ABR: variants seen among roughly 807,000 people sequenced by gnomAD.
ABR encodes ABR activator of RhoGEF and GTPase.
A neutral mutation model predicts 107.2 loss-of-function variants in ABR; 35 were observed. The observed-to-expected ratio is 0.33, with a 90% confidence interval of 0.25 to 0.43. The LOEUF (loss-of-function observed/expected upper bound fraction) is 0.43. ABR is among the 20% of genes least tolerant of loss of function. ABR has a pLI of 1.00. For synonymous variants in ABR, 498 were observed against 462.0 expected (o/e 1.08, Z -1.00); for missense variants, 815 against 1,115.2 (o/e 0.73, Z 3.83).
At chr17:1,217,137 C>T (rs562452417) in intron 1 of ABR, among the ~76,000 whole-genome samples, 4 of 152,226 alleles carry the variant, frequency 2.6e-5, no homozygotes, top group African/African-American at 4.8e-5. Context: ...AACGGAAAGG[C>T]GCAATTATGC....
At chr17:1,130,746 G>T (rs537840207) in intron 1 of ABR, among the ~76,000 whole-genome samples, 1 of 152,308 alleles carries the variant, frequency 6.6e-6, no homozygotes, top group South Asian at 2.1e-4. Flanking sequence ...TAAATCCAAT[G>T]CTGTGTCCCT....
chr17:1,108,163 T>C (rs2038386379), intron 2 of ABR, among the ~76,000 whole-genome samples: 1 of 152,224 alleles, frequency 6.6e-6, no homozygotes, highest in South Asian at 2.1e-4. Context: ...AGCAAAAGGC[T>C]GAGGTGGAAG....
chr17:1,179,014 T>A lies in ABR; in HGVS notation c.61+653A>T, dbSNP rs1227321187. Reference sequence around the variant, plus strand: ...AACTCGAGAAGGTTTGTTTTTTTTTTCTTCTGAGGGTGGTGGTGATGATGA... The same window carrying A: ...AACTCGAGAAGGTTTGTTTTTTTTTACTTCTGAGGGTGGTGGTGATGATGA... On this transcript the variant is annotated intron_variant, in intron 1 of 22. Coordinates refer to ENST00000302538, the MANE Select transcript of ABR (RefSeq NM_021962.5). The surrounding 1 kb of genome is among the most constrained non-coding windows in gnomAD (Gnocchi z 4.9). Among the ~76,000 whole-genome samples, 1 of 151,276 alleles carries A rather than the reference T, an allele frequency of 6.6e-6. No homozygotes were observed. The highest frequency in any genetic ancestry group is 1.5e-5 in the Non-Finnish European group (1 of 67,792).
intron 2 of ABR, among the ~76,000 whole-genome samples, chr17:1,114,633 C>T (rs1159447980): frequency 2.0e-5 from 3 of 151,780 alleles, no homozygotes; most frequent in African/African-American, 4.8e-5. Flanking sequence ...ATTAGCTAGG[C>T]GTGGTGGTGG....
chr17:1,192,632 G>T (rs563578347), intron 1 of ABR, among the ~76,000 whole-genome samples: 1 of 151,744 alleles, frequency 6.6e-6, no homozygotes, highest in Non-Finnish European at 1.5e-5. Flanking sequence ...CAAAAAATTA[G>T]CTGGGCATGG....
rs768769753 is a variant in ABR, at chr17:1,058,798, G to A, written c.1252C>T (p.Leu418=). ...KKKMFENEFL[L]LLNSPTIPFR... is the part of the protein sequence containing the mutation. ...GGGATTGTGGGGGAGTTGAGCAGCA[G>A]CAGGAACTCATTCTCAAACATCTTC... The change falls in exon 11 of 23, where the codon CTG becomes TTG. Residue 418 remains leucine, a synonymous_variant. Transcript: ENST00000302538. The A allele has an allele frequency of 1.2e-6, 2 of 1,614,026 alleles. No homozygotes were observed. The highest frequency in any genetic ancestry group is 2.2e-5 in the East Asian group (1 of 44,882).
At chr17:1,072,832 C>A in intron 7 of ABR, 78 bp from the exon 8 acceptor site, 1 of 1,500,764 alleles carries the variant, frequency 6.7e-7, no homozygotes, top group Admixed American at 2.5e-5. Flanking sequence ...GCTCAGTCCC[C>A]ATCCAAAGGG....
intron 1 of ABR, among the ~76,000 whole-genome samples, chr17:1,149,292 C>T (rs2040698045): frequency 6.6e-6 from 1 of 152,032 alleles, no homozygotes; most frequent in South Asian, 2.1e-4. Flanking sequence ...GACAGAGACC[C>T]CCCCATGGGT....
intron 16 of ABR, among the ~76,000 whole-genome samples, chr17:1,015,306 C>T (rs1234721990): frequency 6.6e-6 from 1 of 150,844 alleles, no homozygotes; most frequent in Non-Finnish European, 1.5e-5. Context: ...GTCCAAGCTA[C>T]TACTTGGGAG....
chr17:1,044,178 G>T (rs963614862), intron 16 of ABR, among the ~76,000 whole-genome samples: 9 of 141,572 alleles, frequency 6.4e-5, no homozygotes, highest in African/African-American at 2.3e-4. Flanking sequence ...CTACGCCGGG[G>T]GCAGGGGCAA....
upstream of ABR, among the ~76,000 whole-genome samples, chr17:1,189,348 TC>T (rs1193466220): frequency 1.7e-5 from 2 of 120,436 alleles, no homozygotes; most frequent in East Asian, 4.3e-4. Context: ...GTCTATGGCT[TC>T]CTTTTTTTTT....
intron 2 of ABR, among the ~76,000 whole-genome samples, chr17:1,123,054 T>A (rs561945398): frequency 1.2e-4 from 19 of 152,288 alleles, no homozygotes; most frequent in African/African-American, 4.3e-4. Context: ...ATAGTGTTTT[T>A]AACCAAAACA....
chr17:1,179,733 G>T lies in ABR; in HGVS notation c.-6C>A. On this transcript the variant is annotated 5_prime_UTR_variant, in exon 1 of 23. Coordinates refer to ENST00000302538, the MANE Select transcript of ABR (RefSeq NM_021962.5). The surrounding 1 kb of genome is among the most constrained non-coding windows in gnomAD (Gnocchi z 4.9). Reference sequence around the variant, plus strand: ...CGGTGGCTGAGCGGCTCCATCCCGCGGCGGCGGCTCGGTCAGATCCGAAAC... The same window carrying T: ...CGGTGGCTGAGCGGCTCCATCCCGCTGCGGCGGCTCGGTCAGATCCGAAAC... 1 of 1,531,726 alleles carries T rather than the reference G, an allele frequency of 6.5e-7. No homozygotes were observed. The allele number at this position is 1,531,726 out of a possible 1,614,324, so 94.9% of individuals were successfully genotyped here. A position where few individuals can be genotyped will look rare whatever the true frequency, so the allele number is the denominator to read the frequency against.
At chr17:1,067,273 A>T (rs749565397) in intron 9 of ABR, 31 bp from the exon 10 acceptor site, 1 of 1,542,278 alleles carries the variant, frequency 6.5e-7, no homozygotes, top group Non-Finnish European at 8.7e-7. Context: ...GCCATGAGCC[A>T]GAGGGAGCCT....
At chr17:1,172,687 T>C (rs540341886) in intron 1 of ABR, among the ~76,000 whole-genome samples, 1 of 151,910 alleles carries the variant, frequency 6.6e-6, no homozygotes, top group East Asian at 1.9e-4. Context: ...AGGTGGAGGT[T>C]GCAGTGGAGC....
rs759511129 is a variant in ABR, at chr17:1,013,212, G to A, written c.1792-48C>T. On this transcript the variant is annotated intron_variant, in intron 16 of 22. Transcript: ENST00000302538. ...AGAGAGGTGCCAGCTCGGAGGCCAAGCCAGAGATCTCCCCGTGGGTCAGCA... is the reference window on the plus strand; with the variant it reads ...AGAGAGGTGCCAGCTCGGAGGCCAAACCAGAGATCTCCCCGTGGGTCAGCA... 2.5e-6 allele frequency: 4 copies of A among 1,574,030 alleles called. No homozygotes were observed. In the South Asian group the frequency reaches 3.3e-5, roughly 13 times the overall value.
chr17:1,045,331 C>A (rs1807333), intron 16 of ABR, among the ~76,000 whole-genome samples: 43,960 of 151,524 alleles, frequency 0.29, 7,011 homozygotes, highest in Admixed American at 0.44. Flanking sequence ...CTTCCATCTT[C>A]TTATAGCAGG....
chr17:1,086,860 G>A lies in ABR; in HGVS notation c.532-3233C>T, dbSNP rs192411255. Among the ~76,000 whole-genome samples, 226 of 152,068 alleles carry A rather than the reference G, an allele frequency of 1.5e-3. 1 individual carries two copies. The highest frequency in any genetic ancestry group is 2.5e-3 in the Non-Finnish European group (171 of 68,004). ...TGTGGTACACACACCTATAGCCCTC[G>A]CTACTTGGGAGACTGAGGTGGGAGG... On this transcript the variant is annotated intron_variant, in intron 4 of 22. Transcript: ENST00000302538.
chr17:1,199,515 G>A (rs1356446822), intron 1 of ABR, among the ~76,000 whole-genome samples: 4 of 151,132 alleles, frequency 2.6e-5, no homozygotes, highest in South Asian at 2.1e-4. Flanking sequence ...AGGGAGAGAC[G>A]GACTCTCACC....
Sources: gnomAD v4.1 joint callset for allele counts (sites outside exome capture counted in the v4.1 genomes callset) on GRCh38, gnomAD v4.1.1 for gene constraint, Gnocchi (gnomAD v3.1) non-coding constraint, MANE v1.5 for transcripts, NCBI Gene and HGNC (gene_info 2026-07-23, HGNC 2026-07-21) for gene names.